SLC38A12: variants seen among roughly 807,000 people sequenced by gnomAD.
SLC38A12 encodes the protein putative sodium-coupled neutral amino acid transporter 12.
At chr17:74,795,762 T>C in the SLC38A12 span, 1 of 717,946 alleles carries the variant, frequency 1.4e-6, no homozygotes, top group South Asian at 1.9e-5. Flanking sequence ...ACACTCTGGC[T>C]AAGCACTGGG....
At chr17:74,833,662 GC>G in the SLC38A12 span, among the ~76,000 whole-genome samples, 2 of 152,174 alleles carry the variant, frequency 1.3e-5, no homozygotes, top group Non-Finnish European at 2.9e-5. Context: ...ACCTCTTCCT[GC>G]CTTCTTGCCT....
chr17:74,794,990 C>CTGAT, the SLC38A12 span: 55 of 1,599,074 alleles, frequency 3.4e-5, no homozygotes, highest in Admixed American at 9.2e-4. Flanking sequence ...GGCTCCCTGA[C>CTGAT]TGATGGCTGT....
the SLC38A12 span, among the ~76,000 whole-genome samples, chr17:74,784,692 G>A: frequency 1.1e-4 from 16 of 152,270 alleles, no homozygotes; most frequent in Admixed American, 9.2e-4. Context: ...GGAAATTCAT[G>A]GTTGAGATCT....
chr17:74,820,088 T>C, the SLC38A12 span, among the ~76,000 whole-genome samples: 1 of 152,168 alleles, frequency 6.6e-6, no homozygotes, highest in African/African-American at 2.4e-5. Flanking sequence ...TCACATAGTG[T>C]GGATGGAGCT....
the SLC38A12 span, among the ~76,000 whole-genome samples, chr17:74,780,618 G>C: frequency 7.2e-5 from 11 of 152,112 alleles, 1 homozygote; most frequent in Admixed American, 5.9e-4. Context: ...CTGTGGCTCA[G>C]CCCAGATTTG....
the SLC38A12 span, chr17:74,790,346 T>G: frequency 6.5e-7 from 1 of 1,529,626 alleles, no homozygotes; most frequent in South Asian, 1.1e-5. Context: ...GGCCACAGGG[T>G]TCCCTTTCTT....
At chr17:74,794,994 T>C in the SLC38A12 span, 1 of 1,606,514 alleles carries the variant, frequency 6.2e-7, no homozygotes, top group Non-Finnish European at 8.5e-7. Context: ...CCCTGACTGA[T>C]GGCTGTGTTC....
At chr17:74,787,903 C>T in the SLC38A12 span, among the ~76,000 whole-genome samples, 6 of 151,788 alleles carry the variant, frequency 4.0e-5, no homozygotes, top group Non-Finnish European at 5.9e-5. Context: ...AAGCAATTCT[C>T]CTGCCTCAGC....
chr17:74,823,449 C>G, the SLC38A12 span, among the ~76,000 whole-genome samples: 1 of 152,254 alleles, frequency 6.6e-6, no homozygotes, highest in South Asian at 2.1e-4. Context: ...TTAGTAGCCT[C>G]GGAAGCCCCA....
the SLC38A12 span, among the ~76,000 whole-genome samples, chr17:74,830,064 A>T: frequency 6.6e-6 from 1 of 151,842 alleles, no homozygotes; most frequent in Admixed American, 6.6e-5. Context: ...GCCCACAGAG[A>T]CCGAAGAGAG....
chr17:74,825,963 ACTCT>A, the SLC38A12 span, among the ~76,000 whole-genome samples: 3 of 150,520 alleles, frequency 2.0e-5, no homozygotes, highest in African/African-American at 7.4e-5. Context: ...CATCTTCCTC[ACTCT>A]CTCCTTCCCG....
chr17:74,817,181 G>A, the SLC38A12 span, among the ~76,000 whole-genome samples: 4 of 152,130 alleles, frequency 2.6e-5, no homozygotes, highest in Admixed American at 6.5e-5. Flanking sequence ...GCCCCAGCTC[G>A]CAGTCTGTGT....
chr17:74,791,091 G>A, the SLC38A12 span: 3 of 1,484,826 alleles, frequency 2.0e-6, no homozygotes, highest in Non-Finnish European at 1.9e-6. Context: ...GTGCTTCCCT[G>A]CAGGCCTGCA....
At chr17:74,838,893 C>T in the SLC38A12 span, 1 of 1,535,580 alleles carries the variant, frequency 6.5e-7, no homozygotes, top group Non-Finnish European at 8.7e-7. Context: ...GCAGATGGGC[C>T]CCCGGGGTCA....
At chr17:74,777,203 A>G in the SLC38A12 span, 1 of 1,067,018 alleles carries the variant, frequency 9.4e-7, no homozygotes, top group Non-Finnish European at 1.4e-6. Flanking sequence ...GAAGTCTGCA[A>G]GCCTCCTCCC....
chr17:74,835,965 G>T, the SLC38A12 span: 1 of 1,611,356 alleles, frequency 6.2e-7, no homozygotes, highest in Non-Finnish European at 8.5e-7. Flanking sequence ...GATCCGCATC[G>T]GGCACGGACA....
At chr17:74,779,226 T>G in the SLC38A12 span, among the ~76,000 whole-genome samples, 1 of 152,196 alleles carries the variant, frequency 6.6e-6, no homozygotes, top group Non-Finnish European at 1.5e-5. Flanking sequence ...TCCGGTTGTT[T>G]AAGGGGTCCT....
At chr17:74,831,684 G>A in the SLC38A12 span, among the ~76,000 whole-genome samples, 20 of 152,202 alleles carry the variant, frequency 1.3e-4, no homozygotes, top group Admixed American at 3.3e-4. Context: ...TAGGCTCTTG[G>A]GGAACTGCAG....
the SLC38A12 span, among the ~76,000 whole-genome samples, chr17:74,794,191 ATTC>A: frequency 9.2e-3 from 1,399 of 152,354 alleles, 35 homozygotes; most frequent in African/African-American, 0.032. Flanking sequence ...CCCAGGTGGA[ATTC>A]TTCTCACCCT....
Sources: allele counts gnomAD v4.1 joint callset (sites outside exome capture counted in the v4.1 genomes callset), GRCh38; gene constraint gnomAD v4.1.1; transcripts MANE v1.5; gene names NCBI Gene and HGNC (gene_info 2026-07-23, HGNC 2026-07-21).